The following BLTP3A variants were observed in gnomAD, a reference collection of about 807,000 sequenced individuals.
BLTP3A encodes the protein ICBP90 binding protein 1.
chr6:34,836,387 G>C, the BLTP3A span: 1 of 1,585,744 alleles, frequency 6.3e-7, no homozygotes, highest in East Asian at 2.2e-5. Context: ...GGTGGTCCAC[G>C]TCACTGTCTA....
chr6:34,805,978 AAG>A, the BLTP3A span, among the ~76,000 whole-genome samples: 15 of 151,978 alleles, frequency 9.9e-5, no homozygotes, highest in African/African-American at 3.6e-4. Flanking sequence ...CTCTAATGGG[AAG>A]AGTGTGCCTT....
At chr6:34,821,650 C>T in the BLTP3A span, 2 of 1,606,152 alleles carry the variant, frequency 1.2e-6, no homozygotes, top group Middle Eastern at 1.7e-4. Flanking sequence ...TTACTCTTTT[C>T]AGGTTCACTA....
At chr6:34,871,032 C>T in the BLTP3A span, 1 of 1,614,078 alleles carries the variant, frequency 6.2e-7, no homozygotes, top group South Asian at 1.1e-5. Flanking sequence ...TGCTCAGTGG[C>T]CTGGGGCCCT....
the BLTP3A span, among the ~76,000 whole-genome samples, chr6:34,863,599 A>C: frequency 6.6e-6 from 1 of 151,828 alleles, no homozygotes; most frequent in African/African-American, 2.4e-5. Context: ...TCCGTCTCCC[A>C]CTCCTGCCTA....
chr6:34,868,577 A>G, the BLTP3A span, among the ~76,000 whole-genome samples: 1 of 151,400 alleles, frequency 6.6e-6, no homozygotes, highest in East Asian at 2.0e-4. Context: ...CAAAAAAATT[A>G]GCTAGGTGTG....
the BLTP3A span, among the ~76,000 whole-genome samples, chr6:34,805,541 C>T: frequency 6.7e-6 from 1 of 149,812 alleles, no homozygotes; most frequent in Non-Finnish European, 1.5e-5. Context: ...TGCAGTGAGC[C>T]TAGATAGTGC....
chr6:34,793,033 G>T, the BLTP3A span, among the ~76,000 whole-genome samples: 2 of 152,170 alleles, frequency 1.3e-5, no homozygotes, highest in African/African-American at 4.8e-5. Flanking sequence ...TAAAGTTTCC[G>T]CAACCTTCCC....
At chr6:34,797,592 T>G in the BLTP3A span, among the ~76,000 whole-genome samples, 1 of 152,206 alleles carries the variant, frequency 6.6e-6, no homozygotes. Flanking sequence ...ACACTAGACT[T>G]TAGTTATTAT....
chr6:34,795,501 G>T, the BLTP3A span, among the ~76,000 whole-genome samples: 1 of 151,076 alleles, frequency 6.6e-6, no homozygotes, highest in African/African-American at 2.4e-5. Context: ...GGGTTCAAGC[G>T]ATTCTCCTGT....
At chr6:34,871,980 A>G in the BLTP3A span, 1 of 1,549,728 alleles carries the variant, frequency 6.5e-7, no homozygotes, top group Non-Finnish European at 8.8e-7. Context: ...TATACTTGTG[A>G]AACTGGTAAA....
At chr6:34,869,607 A>G in the BLTP3A span, among the ~76,000 whole-genome samples, 1 of 105,514 alleles carries the variant, frequency 9.5e-6, no homozygotes. Context: ...TTCATTTTTC[A>G]TTACTATATA....
the BLTP3A span, among the ~76,000 whole-genome samples, chr6:34,861,041 TTTCCTTG>T: frequency 6.6e-6 from 1 of 152,334 alleles, no homozygotes; most frequent in East Asian, 1.9e-4. Flanking sequence ...GAGTCTTCTT[TTTCCTTG>T]GCTGCTCTCT....
chr6:34,792,426 G>A, the BLTP3A span: 3 of 930,708 alleles, frequency 3.2e-6, no homozygotes, highest in African/African-American at 3.5e-5. Flanking sequence ...GGCAGCCCCT[G>A]CCTAACTCGA....
At chr6:34,797,074 G>A in the BLTP3A span, among the ~76,000 whole-genome samples, 9 of 151,984 alleles carry the variant, frequency 5.9e-5, no homozygotes, top group Non-Finnish European at 1.2e-4. Flanking sequence ...TTTTTTTGGC[G>A]CATTGGGGAT....
the BLTP3A span, among the ~76,000 whole-genome samples, chr6:34,815,450 A>G: frequency 7.9e-4 from 120 of 151,954 alleles, no homozygotes; most frequent in African/African-American, 2.7e-3. Flanking sequence ...GAGGTTCTCC[A>G]TGTTGGCCAG....
At chr6:34,848,283 C>CAA in the BLTP3A span, among the ~76,000 whole-genome samples, 12 of 142,908 alleles carry the variant, frequency 8.4e-5, no homozygotes, top group Non-Finnish European at 1.4e-4. Context: ...GACCCTGTCT[C>CAA]AAAAAAAAAA....
chr6:34,794,878 G>A, the BLTP3A span, among the ~76,000 whole-genome samples: 7 of 149,636 alleles, frequency 4.7e-5, no homozygotes, highest in African/African-American at 9.8e-5. Flanking sequence ...TCCAACTACC[G>A]GGTTCAAGAG....
At chr6:34,809,946 A>G in the BLTP3A span, among the ~76,000 whole-genome samples, 2 of 152,194 alleles carry the variant, frequency 1.3e-5, no homozygotes, top group East Asian at 3.8e-4. Context: ...TGTATTATAT[A>G]TTGTATTCTT....
the BLTP3A span, among the ~76,000 whole-genome samples, chr6:34,849,062 G>T: frequency 6.7e-6 from 1 of 149,374 alleles, no homozygotes; most frequent in Admixed American, 6.8e-5. Flanking sequence ...GAAGTGGCGT[G>T]ATCTCAGCTC....
Sources: gnomAD v4.1 joint callset for allele counts (sites outside exome capture counted in the v4.1 genomes callset) on GRCh38, gnomAD v4.1.1 for gene constraint, MANE v1.5 for transcripts, NCBI Gene and HGNC (gene_info 2026-07-23, HGNC 2026-07-21) for gene names.